Variants in CDH20 observed in about 807,000 individuals in gnomAD.
CDH20 encodes the protein cadherin-20.
In CDH20, 29 loss-of-function variants were observed where a neutral mutation model predicts 74.2. That is an observed-to-expected ratio of 0.39 (90% confidence interval 0.29 to 0.53). The LOEUF (loss-of-function observed/expected upper bound fraction) is 0.53, where lower values mean the gene tolerates loss of function less well. Among genes scored for constraint, CDH20 ranks in the 20% least tolerant of loss-of-function variants. The pLI is 0.69. For missense variants in CDH20, 988 were observed against 1,048.3 expected, an observed-to-expected ratio of 0.94 and a Z score of 0.79; for synonymous variants, 469 against 405.4, an observed-to-expected ratio of 1.16 and a Z score of -1.88.
rs565530406 is a variant in CDH20 at position 61,512,822 on chromosome 18, A to T, written c.1017+5262A>T. On this transcript the variant is annotated intron_variant, in intron 6 of 11. Coordinates refer to ENST00000262717, the MANE Select transcript of CDH20 (RefSeq NM_031891.4). ...ATGTAGTTGAGCGGTTTTGAGTGAG[A>T]TTCTTAATCCTGAGTTCTAGTTTGA... Among the ~76,000 whole-genome samples, 621 of 151,988 alleles carry T rather than the reference A, an allele frequency of 4.1e-3. 6 individuals carry two copies. The highest frequency in any genetic ancestry group is 0.014 in the African/African-American group (598 of 41,436).
chr18:61,549,067 C>T (rs558308395), intron 10 of CDH20, among the ~76,000 whole-genome samples: 458 of 152,302 alleles, frequency 3.0e-3, no homozygotes, highest in African/African-American at 0.011. Flanking sequence ...GCATGTCCTA[C>T]TACATCTCTC....
chr18:61,438,579 G>A (rs999962925), intron 1 of CDH20, among the ~76,000 whole-genome samples: 26 of 152,024 alleles, frequency 1.7e-4, no homozygotes, highest in African/African-American at 6.0e-4. Flanking sequence ...AGTCAGAATG[G>A]CTACTATTAA....
intron 1 of CDH20, among the ~76,000 whole-genome samples, chr18:61,350,737 A>C (rs545739074): frequency 1.3e-5 from 2 of 152,284 alleles, no homozygotes; most frequent in African/African-American, 4.8e-5. Flanking sequence ...TTTTCCTCTA[A>C]GCAATGACTC....
chr18:61,543,708 CCTG>C (rs2144401443), intron 9 of CDH20, among the ~76,000 whole-genome samples: 1 of 152,328 alleles, frequency 6.6e-6, no homozygotes, highest in East Asian at 1.9e-4. Flanking sequence ...AGCTCTCCCT[CCTG>C]CCAACAAAAT....
intron 1 of CDH20, among the ~76,000 whole-genome samples, chr18:61,381,369 G>A (rs1911427372): frequency 6.6e-6 from 1 of 152,120 alleles, no homozygotes. Flanking sequence ...ATTTGGGCAA[G>A]GAATAATACA....
chr18:61,495,765 T>A (rs941757700), intron 2 of CDH20, among the ~76,000 whole-genome samples: 2 of 152,120 alleles, frequency 1.3e-5, no homozygotes, highest in African/African-American at 4.8e-5. Context: ...AGCTGCGCTC[T>A]CTCTCTGATG....
intron 1 of CDH20, among the ~76,000 whole-genome samples, chr18:61,355,454 T>C (rs1910467932): frequency 6.6e-6 from 1 of 152,228 alleles, no homozygotes; most frequent in Admixed American, 6.5e-5. Flanking sequence ...TACGTTTTAG[T>C]ATTTACACAC....
chr18:61,414,575 A>G (rs1291264329), intron 1 of CDH20, among the ~76,000 whole-genome samples: 1 of 152,128 alleles, frequency 6.6e-6, no homozygotes, highest in Non-Finnish European at 1.5e-5. Flanking sequence ...CTATGCAAGC[A>G]TTTGCTTTCT....
intron 1 of CDH20, among the ~76,000 whole-genome samples, chr18:61,475,592 A>G (rs1477405419): frequency 1.3e-5 from 2 of 152,284 alleles, no homozygotes; most frequent in Admixed American, 1.3e-4. Context: ...CTTGTTGCAT[A>G]TTTGGAAAAA....
rs544724592 is a variant in CDH20, at chr18:61,365,366, G to A, written c.-153+31539G>A. Among the ~76,000 whole-genome samples, 5 of 152,272 alleles carry A rather than the reference G, an allele frequency of 3.3e-5. No homozygotes were observed. In the South Asian group the frequency reaches 1.0e-3, roughly 32 times the overall value. ...AAACTGTCTGCCTCTATATTAAATG[G>A]TCCCAGATGCTATGGGTTTCTAAAT... On this transcript the variant is annotated intron_variant, in intron 1 of 11. Transcript: ENST00000262717.
chr18:61,389,429 AC>A (rs1292787920), intron 1 of CDH20, among the ~76,000 whole-genome samples: 1 of 152,194 alleles, frequency 6.6e-6, no homozygotes, highest in African/African-American at 2.4e-5. Context: ...ACATGGAAGT[AC>A]TAAGAATCAG....
intron 1 of CDH20, among the ~76,000 whole-genome samples, chr18:61,487,513 CAG>C (rs1304700646): frequency 1.3e-5 from 2 of 152,124 alleles, no homozygotes; most frequent in African/African-American, 4.8e-5. Flanking sequence ...TTATATAAGA[CAG>C]AAAGAGTTGG....
intron 1 of CDH20, among the ~76,000 whole-genome samples, chr18:61,433,991 A>G (rs530010915): frequency 1.1e-4 from 16 of 152,250 alleles, no homozygotes; most frequent in South Asian, 6.2e-4. Flanking sequence ...TTCCCTGAAG[A>G]AAGGTCTGGG....
At chr18:61,401,715 C>G (rs981832725) in intron 1 of CDH20, among the ~76,000 whole-genome samples, 1 of 152,162 alleles carries the variant, frequency 6.6e-6, no homozygotes, top group Non-Finnish European at 1.5e-5. Flanking sequence ...ATGCCTTTCA[C>G]AACTATTTTG....
At chr18:61,529,803 C>T (rs561174901) in intron 7 of CDH20, among the ~76,000 whole-genome samples, 1 of 152,134 alleles carries the variant, frequency 6.6e-6, no homozygotes. Context: ...ATGAGGTAGA[C>T]AAAATGAAGA....
chr18:61,335,786 G>T (rs997535650), intron 1 of CDH20, among the ~76,000 whole-genome samples: 21 of 152,240 alleles, frequency 1.4e-4, no homozygotes, highest in African/African-American at 4.6e-4. Flanking sequence ...TGAAAAGTTT[G>T]CTACACTGCA....
chr18:61,361,741 T>C (rs1267274117), intron 1 of CDH20, among the ~76,000 whole-genome samples: 1 of 152,224 alleles, frequency 6.6e-6, no homozygotes, highest in Non-Finnish European at 1.5e-5. Context: ...CTGTGGCTTA[T>C]TTAAAATTTT....
chr18:61,554,667 C>A lies in CDH20; in HGVS notation c.2378C>A (p.Ala793Glu). The stretch of plus-strand genomic sequence containing the variant: ...CGGAAGCTGGCCGAGCTCTACGGGG[C>A]GTCGGAGGGACCCGCGCCGCTGTGG... Reference protein sequence around the residue: ...RFRKLAELYGASEGPAPLW With the variant: ...RFRKLAELYGESEGPAPLW Residue 793 changes from alanine (A) to glutamate (E), a missense_variant, in exon 12 of 12, where the codon GCG (alanine) becomes GAG (glutamate). Coordinates refer to ENST00000262717, the MANE Select transcript of CDH20 (RefSeq NM_031891.4). The A allele has an allele frequency of 4.4e-6, 7 of 1,586,112 alleles. No individual in the cohort carries two copies. Among genetic ancestry groups the A allele is most frequent in the Non-Finnish European group, 5.1e-6 (6 of 1,166,032 alleles).
At chr18:61,462,680 A>G (rs1006996716) in intron 1 of CDH20, among the ~76,000 whole-genome samples, 7 of 140,328 alleles carry the variant, frequency 5.0e-5, no homozygotes, top group African/African-American at 1.8e-4. Flanking sequence ...TTAATGTAAG[A>G]TGCCTGACTA....
Sources: gnomAD v4.1 joint callset for allele counts (sites outside exome capture counted in the v4.1 genomes callset) on GRCh38, gnomAD v4.1.1 for gene constraint, MANE v1.5 for transcripts, NCBI Gene and HGNC (gene_info 2026-07-23, HGNC 2026-07-21) for gene names.